Variants in FGF14 observed in about 807,000 individuals in gnomAD.
FGF14 encodes the protein fibroblast growth factor 14, also known as fibroblast growth factor homologous factor 4.
FGF14 carries 5 observed loss-of-function variants against 25.5 expected under a neutral mutation model. That is an observed-to-expected ratio of 0.20 (90% CI 0.10 to 0.41). The LOEUF (loss-of-function observed/expected upper bound fraction) is 0.41, where lower values mean the gene tolerates loss of function less well. Ranked by LOEUF, FGF14 falls within the 10% of genes least tolerant of loss-of-function variation. The probability of loss-of-function intolerance (pLI) is 1.00; values close to 1 mark genes in which losing one functional copy is unlikely to be tolerated. For missense variants in FGF14, 222 were observed against 320.1 expected, an observed-to-expected ratio of 0.69 and a Z score of 2.34; for synonymous variants, 138 against 118.3, an observed-to-expected ratio of 1.17 and a Z score of -1.08.
chr13:102,204,305 A>T (rs548459815), intron 1 of FGF14, among the ~76,000 whole-genome samples: 2 of 152,270 alleles, frequency 1.3e-5, no homozygotes, highest in South Asian at 4.1e-4. Context: ...AGGAAGAAAC[A>T]AACACACACA....
At chr13:102,182,565 T>C (rs376865760) in intron 1 of FGF14, among the ~76,000 whole-genome samples, 12 of 152,254 alleles carry the variant, frequency 7.9e-5, no homozygotes, top group Middle Eastern at 3.4e-3. Context: ...TGTTGAACTT[T>C]GTGAAAATTT....
intron 1 of FGF14, among the ~76,000 whole-genome samples, chr13:102,227,262 C>CT (rs2050866783): frequency 6.6e-6 from 1 of 151,994 alleles, no homozygotes; most frequent in South Asian, 2.1e-4. Flanking sequence ...TTTTTTCTTG[C>CT]TTTTTCTCAG....
rs894992879 is a variant in FGF14 at position 101,749,791 on chromosome 13, TAAAA to T, written c.409-22985_409-22982del. ...ACTGAGAGCTTCCTATCAGATAGTTTAAAAAATTATAAACTATTGTGAAATAATT... is the reference window on the plus strand; with the variant it reads ...ACTGAGAGCTTCCTATCAGATAGTTTAATTATAAACTATTGTGAAATAATT... On this transcript the variant is annotated intron_variant, in intron 3 of 4. Coordinates refer to ENST00000376143, the MANE Select transcript of FGF14 (RefSeq NM_004115.4). Among the ~76,000 whole-genome samples the T allele has an allele frequency of 7.2e-5, 11 of 152,242 alleles. 1 individual carries two copies. Among genetic ancestry groups the T allele is most frequent in the African/African-American group, 2.6e-4 (11 of 41,574 alleles).
chr13:101,895,336 T>C (rs1404966851), intron 1 of FGF14, among the ~76,000 whole-genome samples: 2 of 152,148 alleles, frequency 1.3e-5, no homozygotes, highest in Non-Finnish European at 2.9e-5. Context: ...TTTAGTCCTT[T>C]ATAAGTATAA....
At chr13:101,928,161 C>A (rs2034499615) in intron 1 of FGF14, among the ~76,000 whole-genome samples, 1 of 152,174 alleles carries the variant, frequency 6.6e-6, no homozygotes, top group Non-Finnish European at 1.5e-5. Context: ...GGAAGGTCTG[C>A]TGCCCAGGAG....
At chr13:102,062,699 A>C (rs2042741971) in intron 1 of FGF14, among the ~76,000 whole-genome samples, 1 of 152,174 alleles carries the variant, frequency 6.6e-6, no homozygotes, top group Non-Finnish European at 1.5e-5. Flanking sequence ...GAAGAGAAGA[A>C]ATGTAAAATA....
intron 1 of FGF14, among the ~76,000 whole-genome samples, chr13:102,057,874 T>A (rs2042505508): frequency 6.6e-6 from 1 of 152,220 alleles, no homozygotes; most frequent in African/African-American, 2.4e-5. Context: ...AGTGTCTTAA[T>A]TTCTCCAAGT....
At chr13:102,369,763 A>C (rs2057820938) in intron 1 of FGF14, among the ~76,000 whole-genome samples, 1 of 152,168 alleles carries the variant, frequency 6.6e-6, no homozygotes, top group Non-Finnish European at 1.5e-5. Context: ...AATGCATAGG[A>C]ATATATAATT....
chr13:102,003,585 A>G (rs941222110), intron 1 of FGF14, among the ~76,000 whole-genome samples: 5 of 151,426 alleles, frequency 3.3e-5, no homozygotes, highest in South Asian at 2.1e-4. Context: ...GTGACCAAGT[A>G]TATGTTTGAG....
At chr13:102,207,646 A>G (rs2049989751) in intron 1 of FGF14, among the ~76,000 whole-genome samples, 1 of 144,006 alleles carries the variant, frequency 6.9e-6, no homozygotes, top group Non-Finnish European at 1.5e-5. Flanking sequence ...AAAAAAAAAA[A>G]GACAGTGTTT....
chr13:101,919,569 C>T (rs952251631), upstream of FGF14, among the ~76,000 whole-genome samples: 2 of 151,822 alleles, frequency 1.3e-5, no homozygotes, highest in Non-Finnish European at 2.9e-5. Context: ...GTTTTTGGCC[C>T]TCTCAGAGCC....
At chr13:101,962,108 G>A (rs893616522) in intron 1 of FGF14, among the ~76,000 whole-genome samples, 3 of 152,094 alleles carry the variant, frequency 2.0e-5, no homozygotes, top group Admixed American at 2.0e-4. Context: ...GAATGTCAAT[G>A]GTAGTTTAAT....
At chr13:102,381,711 A>C (rs2058187460) in intron 1 of FGF14, among the ~76,000 whole-genome samples, 1 of 152,222 alleles carries the variant, frequency 6.6e-6, no homozygotes, top group African/African-American at 2.4e-5. Flanking sequence ...AAGTAAAGCT[A>C]TAGTAAAAGT....
chr13:101,726,646 T>C lies in FGF14; in HGVS notation c.573A>G (p.Lys191=). 1 of 1,613,460 alleles carries C rather than the reference T, an allele frequency of 6.2e-7. No individual in the cohort carries two copies. Among genetic ancestry groups the C allele is most frequent in the East Asian group, 2.2e-5 (1 of 44,836 alleles). The change falls in exon 4 of 5, where the codon AAA becomes AAG. Residue 191 remains lysine, a synonymous_variant. Transcript: ENST00000376143. ...GCTTGGGTAGAAAATGAGCTGCTGG[T>C]TTGGTTTTCTTTACTCTGTTCCCTT... ...AMKGNRVKKT[K]PAAHFLPKPL...
At chr13:102,302,961 G>A (rs2210900) in intron 1 of FGF14, among the ~76,000 whole-genome samples, 22,976 of 152,010 alleles carry the variant, frequency 0.15, 2,185 homozygotes, top group East Asian at 0.38. Context: ...GTGTTTTCCT[G>A]TCCCCTAGGA....
intron 3 of FGF14, among the ~76,000 whole-genome samples, chr13:101,766,163 A>G (rs2038377609): frequency 6.6e-6 from 1 of 152,220 alleles, no homozygotes; most frequent in South Asian, 2.1e-4. Flanking sequence ...ACTAGCTGGA[A>G]TGATATCATT....
intron 1 of FGF14, among the ~76,000 whole-genome samples, chr13:101,956,768 CAAAAA>C (rs372879439): frequency 3.3e-5 from 4 of 122,584 alleles, no homozygotes; most frequent in East Asian, 2.2e-4. Flanking sequence ...TTCACTTTAC[CAAAAA>C]AAAAAAAAAA....
At chr13:101,876,175 C>G (rs926009113) in intron 1 of FGF14, among the ~76,000 whole-genome samples, 1 of 152,154 alleles carries the variant, frequency 6.6e-6, no homozygotes, top group African/African-American at 2.4e-5. Context: ...GACATCCACT[C>G]TAGTAATCCA....
intron 3 of FGF14, among the ~76,000 whole-genome samples, chr13:101,865,514 G>A: frequency 6.6e-6 from 1 of 151,948 alleles, no homozygotes. Flanking sequence ...CAATCATTAG[G>A]ACCACAAAAG....
Sources: gnomAD v4.1 joint callset for allele counts (sites outside exome capture counted in the v4.1 genomes callset) on GRCh38, gnomAD v4.1.1 for gene constraint, MANE v1.5 for transcripts, NCBI Gene and HGNC (gene_info 2026-07-23, HGNC 2026-07-21) for gene names.